The following ARID1B variants were observed in gnomAD, a reference collection of about 807,000 sequenced individuals.
ARID1B encodes the protein AT-rich interaction domain 1B.
A neutral mutation model predicts 212.3 loss-of-function variants in ARID1B; 30 were observed. That is an observed-to-expected ratio of 0.14 (90% confidence interval 0.11 to 0.19). ARID1B has a LOEUF of 0.19. Ranked by LOEUF, ARID1B falls within the 10% of genes least tolerant of loss-of-function variation. The pLI, the probability that ARID1B is intolerant of heterozygous loss-of-function variation, is 1.00. For missense variants in ARID1B, 2,891 were observed against 3,204.0 expected (o/e 0.90, Z 2.36); for synonymous variants, 1,402 against 1,301.7 (o/e 1.08, Z -1.66).
intron 6 of ARID1B, among the ~76,000 whole-genome samples, chr6:157,120,285 G>A (rs1429576276): frequency 1.3e-5 from 2 of 152,200 alleles, no homozygotes; most frequent in Non-Finnish European, 2.9e-5. Context: ...CCCAGTGATA[G>A]GTGGTATAAG....
At chr6:157,143,604 G>A (rs972441421) in intron 7 of ARID1B, among the ~76,000 whole-genome samples, 6 of 151,964 alleles carry the variant, frequency 3.9e-5, no homozygotes, top group African/African-American at 1.2e-4. Flanking sequence ...ACTCATTATC[G>A]TAGTCACTTT....
At chr6:156,974,396 A>G (rs1777104532) in intron 4 of ARID1B, among the ~76,000 whole-genome samples, 1 of 152,230 alleles carries the variant, frequency 6.6e-6, no homozygotes, top group Non-Finnish European at 1.5e-5. Flanking sequence ...ATTGAATGAT[A>G]AATAAGAAAT....
chr6:156,805,525 G>A (rs964992719), intron 1 of ARID1B, among the ~76,000 whole-genome samples: 3 of 152,138 alleles, frequency 2.0e-5, no homozygotes, highest in Non-Finnish European at 4.4e-5. Flanking sequence ...CCAAGGAAGG[G>A]CAGCTATTGG....
intron 11 of ARID1B, among the ~76,000 whole-genome samples, chr6:157,176,288 C>G (rs2128308067): frequency 1.3e-5 from 2 of 152,330 alleles, no homozygotes; most frequent in South Asian, 4.1e-4. Flanking sequence ...TGCATCCGAA[C>G]TCGCAGGAAG....
intron 2 of ARID1B, among the ~76,000 whole-genome samples, chr6:156,879,785 ATG>A (rs1751192606): frequency 6.6e-6 from 1 of 152,204 alleles, no homozygotes; most frequent in African/African-American, 2.4e-5. Context: ...ATGTGTATAT[ATG>A]TGCAGCGTGC....
At chr6:157,113,806 A>C (rs1158625081) in intron 6 of ARID1B, among the ~76,000 whole-genome samples, 2 of 152,210 alleles carry the variant, frequency 1.3e-5, no homozygotes, top group Non-Finnish European at 2.9e-5. Flanking sequence ...TTTTAAAATG[A>C]CTGTTACGTT....
chr6:156,860,134 CTTTGCAGAATATGCTTTAAAT>C (rs1785227444), intron 2 of ARID1B, among the ~76,000 whole-genome samples: 1 of 152,144 alleles, frequency 6.6e-6, no homozygotes, highest in African/African-American at 2.4e-5. Context: ...ATATATCTCC[CTTTGCAGAATATGCTTTAAAT>C]TTTGCAGAAT....
chr6:157,199,868 T>C (rs1467029835), intron 17 of ARID1B, among the ~76,000 whole-genome samples: 2 of 152,086 alleles, frequency 1.3e-5, no homozygotes, highest in African/African-American at 2.4e-5. Flanking sequence ...GGTTTCACCA[T>C]GTTGGCCAGG....
chr6:156,928,450 A>C (rs1791418755), intron 3 of ARID1B, among the ~76,000 whole-genome samples: 1 of 152,180 alleles, frequency 6.6e-6, no homozygotes, highest in Non-Finnish European at 1.5e-5. Context: ...TGGGGGCCCA[A>C]GGGAGAAGGA....
At chr6:157,079,712 G>A (rs746180151) in intron 4 of ARID1B, among the ~76,000 whole-genome samples, 117 of 152,234 alleles carry the variant, frequency 7.7e-4, no homozygotes, top group Admixed American at 3.3e-3. Context: ...ACTTTCTATA[G>A]TGTTTGCAGC....
At chr6:157,029,129 A>C (rs1312757801) in intron 4 of ARID1B, among the ~76,000 whole-genome samples, 6 of 152,182 alleles carry the variant, frequency 3.9e-5, no homozygotes, top group Non-Finnish European at 5.9e-5. Flanking sequence ...TTTAAGGTCT[A>C]CTCTTGGCTA....
chr6:157,083,589 C>T (rs950875388), intron 4 of ARID1B, among the ~76,000 whole-genome samples: 3 of 152,126 alleles, frequency 2.0e-5, no homozygotes, highest in Admixed American at 6.5e-5. Context: ...TCCTCAGTAA[C>T]GTAACCTTCA....
chr6:156,848,922 A>G (rs995771143), intron 2 of ARID1B, among the ~76,000 whole-genome samples: 2 of 152,226 alleles, frequency 1.3e-5, no homozygotes, highest in Admixed American at 1.3e-4. Flanking sequence ...ATTTGTTACA[A>G]TAACCAAGGA....
rs1330688222 is a variant in ARID1B, at chr6:157,039,758, TACC to T, written c.2248-44903_2248-44901del. 6.9e-4 allele frequency among the ~76,000 whole-genome samples: 80 copies of T among 116,024 alleles called. 2 individuals are homozygous for T. The South Asian group carries it at 0.014, about 20-fold the overall frequency. 76.1% of individuals were successfully genotyped at this position (116,024 alleles called of 152,430 possible). A position where few individuals can be genotyped will look rare whatever the true frequency, so the allele number is the denominator to read the frequency against. Reference sequence around the variant, plus strand: ...CTCCCTCCCTCCCTTCCTTCCTTCCTACCTTCCTACCTACCTACCTTCCTTCCT... The same window carrying T: ...CTCCCTCCCTCCCTTCCTTCCTTCCTTTCCTACCTACCTACCTTCCTTCCT... On this transcript the variant is annotated intron_variant, in intron 4 of 19. Transcript: ENST00000636930.
intron 2 of ARID1B, among the ~76,000 whole-genome samples, chr6:156,876,851 G>A (rs755287670): frequency 8.5e-5 from 13 of 152,112 alleles, no homozygotes; most frequent in South Asian, 4.2e-4. Flanking sequence ...TGGACCTCAG[G>A]ATGCTGCGAA....
At chr6:156,779,517 C>G (rs756310926) in intron 1 of ARID1B, 46 bp downstream of exon 1, 3 of 1,266,922 alleles carry the variant, frequency 2.4e-6, no homozygotes, top group Middle Eastern at 2.5e-4. Context: ...GCGGCCTCGC[C>G]GCGCCGCGAG....
chr6:156,778,031 G>T lies in ARID1B; in HGVS notation c.351G>T (p.Leu117=). Residue 117 remains leucine, a synonymous_variant, in exon 1 of 20, where the codon CTG becomes CTT. Coordinates refer to ENST00000636930, the MANE Select transcript of ARID1B (RefSeq NM_001374828.1). ...AGGAGGGTGGAAGCGCCGCCGCGCT[G>T]TCCTCCTCCTCCTCCTCCTCCGCGG... ...ALKEGGSAAA[L]SSSSSSSAAA... 1 of 1,532,434 alleles carries T rather than the reference G, an allele frequency of 6.5e-7. No individual in the cohort carries two copies. The allele number at this position is 1,532,434 out of a possible 1,614,324, so 94.9% of individuals were successfully genotyped here.
chr6:157,113,727 A>G (rs1229717734), intron 6 of ARID1B, among the ~76,000 whole-genome samples: 2 of 152,218 alleles, frequency 1.3e-5, no homozygotes, highest in African/African-American at 4.8e-5. Flanking sequence ...AAGCCAAGCT[A>G]TATCACTGTA....
intron 4 of ARID1B, among the ~76,000 whole-genome samples, chr6:156,961,184 G>C (rs1361341410): frequency 6.6e-6 from 1 of 152,196 alleles, no homozygotes; most frequent in Non-Finnish European, 1.5e-5. Flanking sequence ...ACACTCCCAG[G>C]TGCGTGCTCT....
Sources: allele counts gnomAD v4.1 joint callset (sites outside exome capture counted in the v4.1 genomes callset), GRCh38; gene constraint gnomAD v4.1.1; transcripts MANE v1.5; gene names NCBI Gene and HGNC (gene_info 2026-07-23, HGNC 2026-07-21).